PHF14: variants seen among roughly 807,000 people sequenced by gnomAD.
PHF14 encodes the protein PHD finger protein 14.
PHF14 carries 55 observed loss-of-function variants against 117.9 expected under a neutral mutation model. That is an observed-to-expected ratio of 0.47 (90% confidence interval 0.38 to 0.58). The LOEUF is 0.58. Ranked by LOEUF, PHF14 falls within the 20% of genes least tolerant of loss-of-function variation. The pLI is 0.00. For synonymous variants in PHF14, 409 were observed against 368.6 expected (o/e 1.11, Z -1.26); for missense variants, 978 against 1,122.2 (o/e 0.87, Z 1.84).
intron 17 of PHF14, among the ~76,000 whole-genome samples, chr7:11,120,107 A>G (rs866307425): frequency 6.6e-6 from 1 of 151,922 alleles, no homozygotes; most frequent in Non-Finnish European, 1.5e-5. Flanking sequence ...GATGCGTCGT[A>G]TAGTAGGAAG....
intron 16 of PHF14, chr7:11,071,398 G>C (rs1205872863): frequency 2.7e-6 from 1 of 376,306 alleles, no homozygotes; most frequent in Non-Finnish European, 5.3e-6. Flanking sequence ...ATCTTAGAAT[G>C]GAAGCCAGTT....
chr7:11,027,427 T>C (rs1432727915), intron 6 of PHF14, among the ~76,000 whole-genome samples: 5 of 152,148 alleles, frequency 3.3e-5, no homozygotes, highest in African/African-American at 1.2e-4. Flanking sequence ...TCTTTAATTG[T>C]CCATTGTCAG....
At chr7:11,155,358 A>G (rs902293494) in intron 17 of PHF14, among the ~76,000 whole-genome samples, 1 of 152,232 alleles carries the variant, frequency 6.6e-6, no homozygotes, top group African/African-American at 2.4e-5. Context: ...CAGAACAAAT[A>G]TGAAGTATGT....
At chr7:11,017,824 G>A (rs962742627) in intron 5 of PHF14, among the ~76,000 whole-genome samples, 3 of 151,972 alleles carry the variant, frequency 2.0e-5, no homozygotes, top group Non-Finnish European at 4.4e-5. Context: ...GTGGAGTTTC[G>A]CTCAAGAAAT....
intron 17 of PHF14, among the ~76,000 whole-genome samples, chr7:11,117,621 GTATGTATAAA>G (rs201729948): frequency 0.026 from 1,865 of 70,958 alleles, 39 homozygotes; most frequent in African/African-American, 0.08. Context: ...ATATGTATTT[GTATGTATAAA>G]TATGTATAAA....
chr7:11,048,260 C>T (rs898764985), intron 13 of PHF14, among the ~76,000 whole-genome samples: 7 of 152,026 alleles, frequency 4.6e-5, no homozygotes, highest in African/African-American at 1.4e-4. Context: ...GAAAGATAAT[C>T]ATGATTTTCC....
chr7:11,135,232 A>G (rs1236568661), intron 17 of PHF14, among the ~76,000 whole-genome samples: 1 of 152,056 alleles, frequency 6.6e-6, no homozygotes, highest in Non-Finnish European at 1.5e-5. Flanking sequence ...TAAAATGGAG[A>G]CAATAAAAAT....
chr7:11,134,308 A>T (rs867956909), intron 17 of PHF14, among the ~76,000 whole-genome samples: 22 of 152,026 alleles, frequency 1.4e-4, no homozygotes, highest in Non-Finnish European at 8.8e-5. Flanking sequence ...TAAATATATT[A>T]GAATTATAGA....
At chr7:11,106,988 A>T (rs967079642) in intron 16 of PHF14, 16 of 982,948 alleles carry the variant, frequency 1.6e-5, no homozygotes, top group Non-Finnish European at 1.8e-5. Flanking sequence ...GTTCAAGTCT[A>T]TGTTATGGAT....
intron 17 of PHF14, among the ~76,000 whole-genome samples, chr7:11,165,876 T>G (rs1395967554): frequency 1.3e-5 from 2 of 152,216 alleles, no homozygotes; most frequent in African/African-American, 4.8e-5. Flanking sequence ...GTGTGTTTAC[T>G]TAATTTCTCT....
At chr7:10,974,991 A>C in intron 2 of PHF14, 46 bp downstream of exon 2, 1 of 975,660 alleles carries the variant, frequency 1.0e-6, no homozygotes, top group Non-Finnish European at 1.6e-6. Context: ...TTCTGGAGTT[A>C]GGCTTATTTT....
rs146232186 is a variant in PHF14, at chr7:11,078,922, T to A, written c.2654+16837T>A. On this transcript the variant is annotated intron_variant, in intron 16 of 17. Coordinates refer to ENST00000634607, the MANE Select transcript of PHF14 (RefSeq NM_001007157.2). ...CTAAAATATGTAGATTAATATGAAT[T>A]ATATTATCTACATAAGTATTTTTAG... Among the ~76,000 whole-genome samples, 351 of 152,254 alleles carry A rather than the reference T, an allele frequency of 2.3e-3. 2 individuals carry two copies. Among genetic ancestry groups the A allele is most frequent in the African/African-American group, 8.1e-3 (338 of 41,580 alleles).
At chr7:11,064,450 T>C (rs538610346) in intron 16 of PHF14, among the ~76,000 whole-genome samples, 1 of 152,092 alleles carries the variant, frequency 6.6e-6, no homozygotes, top group Admixed American at 6.5e-5. Flanking sequence ...GACATACGTG[T>C]ATGTCTGTTA....
intron 17 of PHF14, among the ~76,000 whole-genome samples, chr7:11,120,201 A>G (rs915398995): frequency 1.3e-5 from 2 of 151,888 alleles, no homozygotes; most frequent in African/African-American, 4.8e-5. Context: ...AAAAGAAACA[A>G]ACTGGGCTCA....
intron 4 of PHF14, among the ~76,000 whole-genome samples, chr7:11,001,662 A>G (rs1389311887): frequency 6.6e-6 from 1 of 151,780 alleles, no homozygotes; most frequent in East Asian, 1.9e-4. Context: ...TTTAATTTCA[A>G]TTCTACTTGT....
At position 11,036,714 on chromosome 7, in the gene PHF14, C is replaced by T. The variant is rs1403207343; in HGVS notation, c.1873+26C>T. The T allele has an allele frequency of 2.5e-6, 4 of 1,582,770 alleles. No individual in the cohort carries two copies. The Admixed American group carries it at 6.9e-5, about 27-fold the overall frequency. On this transcript the variant is annotated intron_variant, in intron 9 of 17. Coordinates refer to ENST00000634607, the MANE Select transcript of PHF14 (RefSeq NM_001007157.2). ...GTCAGTATAGACACTGGTACATGCA[C>T]ATTTTCACTGAGAACAATTTGTTAA...
chr7:11,005,871 C>T (rs1783066870), intron 4 of PHF14, among the ~76,000 whole-genome samples: 1 of 144,668 alleles, frequency 6.9e-6, no homozygotes, highest in Admixed American at 7.2e-5. Context: ...CGGCTCACTG[C>T]AACCTCTGCC....
chr7:11,075,310 G>T (rs1785792077), intron 16 of PHF14, among the ~76,000 whole-genome samples: 1 of 152,112 alleles, frequency 6.6e-6, no homozygotes, highest in South Asian at 2.1e-4. Flanking sequence ...TTGCCATAAA[G>T]AAGTACCAAA....
Position 11,145,515 on chromosome 7 carries a change from CT to C in PHF14, c.2773-23899del, listed in dbSNP as rs369250837. ...TAAGCAGAATAGAATTGAGCATTTT[CT>C]TAATTCTTATAATATAAAGGTGCTG... On this transcript the variant is annotated intron_variant, in intron 17 of 17. Coordinates refer to ENST00000634607, the MANE Select transcript of PHF14 (RefSeq NM_001007157.2). 6.2e-3 allele frequency among the ~76,000 whole-genome samples: 943 copies of C among 152,180 alleles called. 7 individuals are homozygous for C. The highest frequency in any genetic ancestry group is 0.022 in the African/African-American group (904 of 41,548).
Sources: gnomAD v4.1 joint callset for allele counts (sites outside exome capture counted in the v4.1 genomes callset) on GRCh38, gnomAD v4.1.1 for gene constraint, MANE v1.5 for transcripts, NCBI Gene and HGNC (gene_info 2026-07-23, HGNC 2026-07-21) for gene names.